COG5: variants seen among roughly 807,000 people sequenced by gnomAD.
COG5 encodes the protein conserved oligomeric Golgi complex subunit 5.
In COG5, 86 loss-of-function variants were observed where a neutral mutation model predicts 110.4. That is an observed-to-expected ratio of 0.78 (90% confidence interval 0.65 to 0.93). COG5 has a LOEUF of 0.93. COG5 is among the 40% of genes least tolerant of loss of function. The probability of loss-of-function intolerance (pLI) is 0.00; values close to 1 mark genes in which losing one functional copy is unlikely to be tolerated. For missense variants in COG5, 1,077 were observed against 987.0 expected (o/e 1.09, Z -1.22); for synonymous variants, 360 against 334.6 (o/e 1.08, Z -0.83).
chr7:107,542,275 G>C (rs184360329), intron 5 of COG5, among the ~76,000 whole-genome samples: 207 of 152,190 alleles, frequency 1.4e-3, no homozygotes, highest in Admixed American at 4.7e-3. Flanking sequence ...ACTTACAAGA[G>C]GTTCAATCTC....
intron 6 of COG5, among the ~76,000 whole-genome samples, chr7:107,468,598 C>T (rs1388509012): frequency 6.6e-6 from 1 of 152,108 alleles, no homozygotes; most frequent in Non-Finnish European, 1.5e-5. Flanking sequence ...TAGAAATTCA[C>T]AACAAAATTT....
At chr7:107,230,511 A>G in intron 19 of COG5, 104 bp downstream of exon 19, 2 of 844,462 alleles carry the variant, frequency 2.4e-6, no homozygotes, top group Non-Finnish European at 2.1e-6. Context: ...ATTGTTGTAG[A>G]TCAAAAATGG....
At chr7:107,403,218 CTATTA>C (rs1791566427) in intron 7 of COG5, among the ~76,000 whole-genome samples, 1 of 152,040 alleles carries the variant, frequency 6.6e-6, no homozygotes, top group South Asian at 2.1e-4. Flanking sequence ...AAAGGAATAG[CTATTA>C]TATTAGTCTG....
intron 6 of COG5, among the ~76,000 whole-genome samples, chr7:107,463,856 C>T (rs1429821870): frequency 2.0e-5 from 3 of 152,102 alleles, no homozygotes; most frequent in African/African-American, 7.2e-5. Flanking sequence ...CCTGGAAGTG[C>T]TTGGGCCTAG....
chr7:107,540,359 G>A (rs1801885433), intron 5 of COG5, among the ~76,000 whole-genome samples: 1 of 151,632 alleles, frequency 6.6e-6, no homozygotes, highest in Admixed American at 6.6e-5. Context: ...ATCACTTGAG[G>A]CCAGGAGTTT....
intron 6 of COG5, among the ~76,000 whole-genome samples, chr7:107,467,849 ATATCT>A (rs1476448358): frequency 6.6e-6 from 1 of 152,204 alleles, no homozygotes; most frequent in East Asian, 1.9e-4. Flanking sequence ...AAAGTTTGTG[ATATCT>A]TATTTATCCT....
chr7:107,287,887 A>C (rs533332042), intron 12 of COG5, among the ~76,000 whole-genome samples: 7 of 152,324 alleles, frequency 4.6e-5, no homozygotes, highest in Non-Finnish European at 1.0e-4. Flanking sequence ...CATTGTATGA[A>C]TATAGCACAT....
intron 17 of COG5, among the ~76,000 whole-genome samples, chr7:107,246,365 G>A (rs755766006): frequency 6.6e-6 from 1 of 152,046 alleles, no homozygotes; most frequent in African/African-American, 2.4e-5. Flanking sequence ...TTGCCAAGCG[G>A]GATCTAATTA....
Position 107,554,356 on chromosome 7 carries a change from A to G in COG5, c.235-14T>C. 1 of 1,611,548 alleles carries G rather than the reference A, an allele frequency of 6.2e-7. No individual in the cohort carries two copies. The highest frequency in any genetic ancestry group is 8.5e-7 in the Non-Finnish European group (1 of 1,177,698). On this transcript the variant is annotated splice_polypyrimidine_tract_variant and intron_variant, in intron 2 of 21. Coordinates refer to ENST00000297135, the MANE Select transcript of COG5 (RefSeq NM_006348.5). ...TCTTGCAACAACCTGAAAATCAAAAATAAATGATTAGCTTTTGCTCTGTTA... is the reference window on the plus strand; with the variant it reads ...TCTTGCAACAACCTGAAAATCAAAAGTAAATGATTAGCTTTTGCTCTGTTA...
chr7:107,465,938 G>T (rs1338829262), intron 6 of COG5, among the ~76,000 whole-genome samples: 1 of 151,982 alleles, frequency 6.6e-6, no homozygotes, highest in African/African-American at 2.4e-5. Flanking sequence ...ACAAAACAGG[G>T]GACTTGACAC....
chr7:107,427,134 C>T (rs947637017), intron 6 of COG5, among the ~76,000 whole-genome samples: 1 of 152,128 alleles, frequency 6.6e-6, no homozygotes. Context: ...TGATCATAAA[C>T]ACTTTATTGA....
intron 19 of COG5, among the ~76,000 whole-genome samples, chr7:107,221,439 A>G (rs954246348): frequency 2.6e-5 from 4 of 152,086 alleles, no homozygotes; most frequent in African/African-American, 7.2e-5. Flanking sequence ...AAAAGTCCTT[A>G]TAAGTACTTT....
chr7:107,203,355 A>AAAT lies in COG5; in HGVS notation c.*160_*161insATT, dbSNP rs751497917. On this transcript the variant is annotated 3_prime_UTR_variant, in exon 22 of 22. Coordinates refer to ENST00000297135, the MANE Select transcript of COG5 (RefSeq NM_006348.5). ...TGATAACTCAACATTTTTTATGCTAAAGTATAAGTGCTAAAGAGGTAAATA... is the reference window on the plus strand; with the variant it reads ...TGATAACTCAACATTTTTTATGCTAAAATAGTATAAGTGCTAAAGAGGTAAATA... 2.4e-5 allele frequency: 15 copies of AAAT among 638,232 alleles called. No homozygotes were observed. The highest frequency in any genetic ancestry group is 4.2e-5 in the Non-Finnish European group (15 of 354,946). The allele number at this position is 638,232 out of a possible 1,614,324, so 39.5% of individuals were successfully genotyped here.
At chr7:107,337,308 AAAG>A (rs1226314584) in intron 10 of COG5, among the ~76,000 whole-genome samples, 19 of 152,346 alleles carry the variant, frequency 1.2e-4, no homozygotes, top group Non-Finnish European at 2.8e-4. Context: ...GTATTTATCT[AAAG>A]AAAAGGATAT....
chr7:107,414,207 C>T (rs1321288958), intron 6 of COG5, among the ~76,000 whole-genome samples: 1 of 152,016 alleles, frequency 6.6e-6, no homozygotes, highest in Non-Finnish European at 1.5e-5. Context: ...ATATATAATG[C>T]CAAATTTTGA....
intron 5 of COG5, among the ~76,000 whole-genome samples, chr7:107,546,645 A>G (rs1293877637): frequency 6.6e-6 from 1 of 151,836 alleles, no homozygotes; most frequent in African/African-American, 2.4e-5. Flanking sequence ...ATAAAACTTT[A>G]GCTAGACTAA....
At chr7:107,256,680 A>T in intron 16 of COG5, 52 bp downstream of exon 16, 1 of 1,304,058 alleles carries the variant, frequency 7.7e-7, no homozygotes, top group Non-Finnish European at 1.1e-6. Context: ...CAGCAAAACA[A>T]ATAATCCTAA....
At chr7:107,469,806 A>G (rs949603026) in intron 6 of COG5, among the ~76,000 whole-genome samples, 6 of 152,034 alleles carry the variant, frequency 3.9e-5, no homozygotes, top group East Asian at 1.9e-4. Flanking sequence ...AATGTTTGGC[A>G]TAAGTGACCA....
At chr7:107,460,349 C>G (rs987391) in intron 6 of COG5, among the ~76,000 whole-genome samples, 42,773 of 151,656 alleles carry the variant, frequency 0.28, 6,073 homozygotes, top group East Asian at 0.33. Context: ...GCTACAGTGA[C>G]CAGTAATCGT....
Sources: allele counts gnomAD v4.1 joint callset (sites outside exome capture counted in the v4.1 genomes callset), GRCh38; gene constraint gnomAD v4.1.1; transcripts MANE v1.5; gene names NCBI Gene and HGNC (gene_info 2026-07-23, HGNC 2026-07-21).